GRIK1: variants seen among roughly 807,000 people sequenced by gnomAD.
GRIK1 encodes the protein glutamate receptor ionotropic, kainate 1.
A neutral mutation model predicts 105.7 loss-of-function variants in GRIK1; 69 were observed. That is an observed-to-expected ratio of 0.65 (90% CI 0.54 to 0.80). GRIK1 has a LOEUF of 0.80. Ranked by LOEUF, GRIK1 falls within the 30% of genes least tolerant of loss-of-function variation. The probability of loss-of-function intolerance (pLI) is 0.00; values close to 1 mark genes in which losing one functional copy is unlikely to be tolerated. For synonymous variants in GRIK1, 438 were observed against 431.3 expected, an observed-to-expected ratio of 1.02 and a Z score of -0.19; for missense variants, 1,109 against 1,167.3, an observed-to-expected ratio of 0.95 and a Z score of 0.73.
In GRIK1 at chr21:29,654,810, C is replaced by T. The variant is rs372042615; in HGVS notation, c.780G>A (p.Leu260=). Residue 260 remains leucine, a splice_region_variant and synonymous_variant, in exon 5 of 18, where the codon CTG becomes CTA. Transcript: ENST00000327783. ...ATACATTTCTCCCAGATGCACTTAC[C>T]AGGGTTGTGAAAAAGTAGTGATAGT... ...TEYYHYFFTT[L]DLFALDLELY... is the part of the protein sequence containing the mutation. The T allele has an allele frequency of 2.8e-5, 43 of 1,544,566 alleles. No homozygotes were observed. Among genetic ancestry groups the T allele is most frequent in the Non-Finnish European group, 3.2e-5 (36 of 1,116,660 alleles).
intron 4 of GRIK1, among the ~76,000 whole-genome samples, chr21:29,663,461 GTTC>G (rs1487490393): frequency 1.3e-5 from 2 of 152,172 alleles, no homozygotes; most frequent in Admixed American, 6.5e-5. Flanking sequence ...TTAACTCACA[GTTC>G]TTCTTCTGTA....
At chr21:29,678,256 C>A (rs1049668709) in intron 3 of GRIK1, among the ~76,000 whole-genome samples, 3 of 152,022 alleles carry the variant, frequency 2.0e-5, no homozygotes, top group South Asian at 2.1e-4. Context: ...GAGGAAAAAT[C>A]AAAACTAAAA....
At chr21:29,705,691 T>A (rs2063891484) in intron 1 of GRIK1, among the ~76,000 whole-genome samples, 1 of 152,204 alleles carries the variant, frequency 6.6e-6, no homozygotes, top group Non-Finnish European at 1.5e-5. Flanking sequence ...TACTATCAAA[T>A]CTTACCTCAT....
At chr21:29,685,339 C>T (rs907821947) in intron 3 of GRIK1, among the ~76,000 whole-genome samples, 1 of 151,964 alleles carries the variant, frequency 6.6e-6, no homozygotes, top group Non-Finnish European at 1.5e-5. Flanking sequence ...AAACTTTGGG[C>T]CAGTTTAGTT....
At position 29,911,053 on chromosome 21, in the gene GRIK1, A is replaced by G. The variant is rs185019976; in HGVS notation, c.118+28330T>C. 2.0e-4 allele frequency among the ~76,000 whole-genome samples: 30 copies of G among 152,260 alleles called. No homozygotes were observed. The East Asian group carries it at 4.0e-3, about 21-fold the overall frequency. ...AACAACAGCTGTAATAAATACAGAT[A>G]AGCCTTTCTGTGTGTTAAGTATTGT... On this transcript the variant is annotated intron_variant, in intron 1 of 17. Transcript: ENST00000327783.
intron 1 of GRIK1, among the ~76,000 whole-genome samples, chr21:29,780,458 C>T (rs577926676): frequency 6.6e-5 from 10 of 152,286 alleles, no homozygotes; most frequent in African/African-American, 1.9e-4. Context: ...AAAGTGGGTG[C>T]TATCACTTGA....
chr21:29,935,191 G>A (rs1162067493), intron 1 of GRIK1, among the ~76,000 whole-genome samples: 2 of 152,150 alleles, frequency 1.3e-5, no homozygotes, highest in Admixed American at 6.5e-5. Context: ...TGCAACTGAT[G>A]TAATAGATCA....
In GRIK1 at chr21:29,860,698, T is replaced by A. The variant is rs138351619; in HGVS notation, c.118+78685A>T. Among the ~76,000 whole-genome samples the A allele has an allele frequency of 1.1e-3, 165 of 152,326 alleles. 1 individual carries two copies. The East Asian group carries it at 0.029, about 27-fold the overall frequency. ...GTAATTTGGAGGAGAGTTAGATAAT[T>A]ATTGCATCGTTTAAATATTTATATA... On this transcript the variant is annotated intron_variant, in intron 1 of 17. Coordinates refer to ENST00000327783, the MANE Select transcript of GRIK1 (RefSeq NM_001330994.2).
intron 1 of GRIK1, among the ~76,000 whole-genome samples, chr21:29,764,443 G>A (rs1486748290): frequency 6.6e-6 from 1 of 152,132 alleles, no homozygotes; most frequent in Non-Finnish European, 1.5e-5. Context: ...CAGCATTAGT[G>A]TACCCACATC....
At chr21:29,854,530 T>C (rs2068404233) in intron 1 of GRIK1, among the ~76,000 whole-genome samples, 1 of 152,072 alleles carries the variant, frequency 6.6e-6, no homozygotes, top group African/African-American at 2.4e-5. Flanking sequence ...AAGAAATTAC[T>C]ATGCCTGGAA....
intron 1 of GRIK1, among the ~76,000 whole-genome samples, chr21:29,865,289 C>T (rs868510718): frequency 8.5e-5 from 8 of 94,256 alleles, no homozygotes; most frequent in Non-Finnish European, 1.0e-4. Flanking sequence ...TGATTATTTA[C>T]GGTACATTTC....
At chr21:29,538,537 A>G (rs2089918314) in intron 16 of GRIK1, among the ~76,000 whole-genome samples, 1 of 152,118 alleles carries the variant, frequency 6.6e-6, no homozygotes, top group Non-Finnish European at 1.5e-5. Flanking sequence ...TTGAACACTT[A>G]GACATTTTTA....
At chr21:29,781,437 C>T (rs1384783905) in intron 1 of GRIK1, among the ~76,000 whole-genome samples, 1 of 152,044 alleles carries the variant, frequency 6.6e-6, no homozygotes, top group Non-Finnish European at 1.5e-5. Flanking sequence ...TTTATAAATA[C>T]GTACCTATGT....
At chr21:29,538,433 G>C (rs2089916465) in intron 16 of GRIK1, among the ~76,000 whole-genome samples, 1 of 152,260 alleles carries the variant, frequency 6.6e-6, no homozygotes, top group East Asian at 1.9e-4. Context: ...AATGGGGGCA[G>C]TTGCTGCTCA....
At chr21:29,705,873 C>CTTT (rs1325677911) in intron 1 of GRIK1, among the ~76,000 whole-genome samples, 6 of 135,730 alleles carry the variant, frequency 4.4e-5, no homozygotes, top group Non-Finnish European at 8.0e-5. Flanking sequence ...CTTTTCTTTT[C>CTTT]TTTTTTTTTT....
At chr21:29,850,373 T>C (rs2068266343) in intron 1 of GRIK1, among the ~76,000 whole-genome samples, 1 of 152,208 alleles carries the variant, frequency 6.6e-6, no homozygotes, top group African/African-American at 2.4e-5. Flanking sequence ...CTTTTCGATG[T>C]GTGGCTCTGG....
chr21:29,913,701 A>G (rs901761174), intron 1 of GRIK1, among the ~76,000 whole-genome samples: 1 of 150,534 alleles, frequency 6.6e-6, no homozygotes, highest in African/African-American at 2.5e-5. Context: ...ATATTTGTAG[A>G]TTTGTATGTA....
At chr21:29,587,789 A>G (rs1183564168) in intron 11 of GRIK1, among the ~76,000 whole-genome samples, 200 bp from the exon 12 acceptor site, 5 of 152,078 alleles carry the variant, frequency 3.3e-5, no homozygotes, top group Admixed American at 3.3e-4. Flanking sequence ...GAAACCAGAA[A>G]GTATAAAACA....
At chr21:29,816,593 G>A (rs1349623575) in intron 1 of GRIK1, among the ~76,000 whole-genome samples, 2 of 152,100 alleles carry the variant, frequency 1.3e-5, no homozygotes, top group African/African-American at 4.8e-5. Context: ...TATACACAGT[G>A]TAATACTATT....
Sources: allele counts gnomAD v4.1 joint callset (sites outside exome capture counted in the v4.1 genomes callset), GRCh38; gene constraint gnomAD v4.1.1; transcripts MANE v1.5; gene names NCBI Gene and HGNC (gene_info 2026-07-23, HGNC 2026-07-21).